ZNF488: variants seen among roughly 807,000 people sequenced by gnomAD.
The protein encoded by ZNF488 is zinc finger protein 488.
In ZNF488, 1 loss-of-function variant was observed where a neutral mutation model predicts 1.2. The observed-to-expected ratio is 0.86, with a 90% confidence interval of 0.30 to 4.07. The LOEUF (loss-of-function observed/expected upper bound fraction) is 4.07, where lower values mean the gene tolerates loss of function less well. Ranked by LOEUF, ZNF488 falls within the 30% of genes most tolerant of loss-of-function variation. ZNF488 has a pLI of 0.18. For missense variants in ZNF488, 450 were observed against 437.9 expected, an observed-to-expected ratio of 1.03 and a Z score of -0.25; for synonymous variants, 185 against 190.1, an observed-to-expected ratio of 0.97 and a Z score of 0.22.
At chr10:47,376,737 G>A (rs1555214465) in intron 1 of ZNF488, among the ~76,000 whole-genome samples, 1 of 152,188 alleles carries the variant, frequency 6.6e-6, no homozygotes, top group Admixed American at 6.5e-5. Flanking sequence ...AAGCCTGAGG[G>A]TCCTCACTGG....
intron 1 of ZNF488, among the ~76,000 whole-genome samples, chr10:47,373,134 TA>T (rs1393593500): frequency 5.3e-5 from 8 of 152,114 alleles, no homozygotes; most frequent in African/African-American, 1.9e-4. Flanking sequence ...GTCTCAAAAA[TA>T]AAGGCTCTAG....
At chr10:47,381,508 G>A (rs1159431641) in intron 1 of ZNF488, among the ~76,000 whole-genome samples, 2 of 152,296 alleles carry the variant, frequency 1.3e-5, no homozygotes, top group Non-Finnish European at 2.9e-5. Flanking sequence ...AACACTGAAG[G>A]TGATCCAGGC....
At chr10:47,382,235 T>A (rs1281093558) in intron 1 of ZNF488, among the ~76,000 whole-genome samples, 3 of 152,240 alleles carry the variant, frequency 2.0e-5, no homozygotes, top group African/African-American at 7.2e-5. Context: ...AACTAGAGAA[T>A]AAAGGTGGAG....
At chr10:47,377,472 T>C (rs1308110383) in intron 1 of ZNF488, among the ~76,000 whole-genome samples, 2 of 152,132 alleles carry the variant, frequency 1.3e-5, no homozygotes, top group African/African-American at 4.8e-5. Flanking sequence ...CTGATTGCTA[T>C]GGATGTGACA....
Position 47,368,666 on chromosome 10 carries a change from C to G in ZNF488, c.164G>C (p.Arg55Pro), listed in dbSNP as rs374041008. ...CKPVLLEKTN[R>P]LGPEAAVGRA... ...GCCCACAGCAGCCTCAGGGCCCAGG[C>G]GGTTCGTCTTCTCGAGCAGCACTGG... The change falls in exon 2 of 2, where the codon CGC becomes CCC. Residue 55 changes from arginine to proline, a missense_variant. Arg to Pro is a moderately radical substitution (Grantham distance 103). Transcript: ENST00000585316. 2.5e-6 allele frequency: 4 copies of G among 1,612,000 alleles called. No individual in the cohort carries two copies. The highest frequency in any genetic ancestry group is 3.4e-6 in the Non-Finnish European group (4 of 1,179,998).
intron 1 of ZNF488, 96 bp downstream of exon 1, chr10:47,384,124 C>T (rs1304458519): frequency 6.6e-6 from 1 of 152,554 alleles, no homozygotes; most frequent in African/African-American, 2.4e-5. Flanking sequence ...ACTCAACAAC[C>T]CTGTCCTGGG....
At chr10:47,380,200 C>G (rs1837873211) in intron 1 of ZNF488, among the ~76,000 whole-genome samples, 1 of 152,284 alleles carries the variant, frequency 6.6e-6, no homozygotes, top group South Asian at 2.1e-4. Flanking sequence ...TTGTGAGTGT[C>G]CTGGGAAGGG....
At chr10:47,369,646 G>T (rs534969070) in intron 1 of ZNF488, among the ~76,000 whole-genome samples, 4 of 152,270 alleles carry the variant, frequency 2.6e-5, no homozygotes, top group Middle Eastern at 3.4e-3. Flanking sequence ...CATGCTTCTT[G>T]TGAGAGTCAA....
chr10:47,375,301 T>C (rs769033626), intron 1 of ZNF488, among the ~76,000 whole-genome samples: 7 of 152,236 alleles, frequency 4.6e-5, no homozygotes, highest in Non-Finnish European at 8.8e-5. Context: ...GTCATTCTAC[T>C]ACACATTCCC....
rs1555212877 is a variant in ZNF488 at position 47,367,000 on chromosome 10, T to C, written c.*807A>G. 3 of 167,084 alleles carry C rather than the reference T, an allele frequency of 1.8e-5. No homozygotes were observed. The allele number at this position is 167,084 out of a possible 1,614,324, so 10.4% of individuals were successfully genotyped here. Reference sequence around the variant, plus strand: ...CTTTTCCACTCCTTAATATTGGGCCTGGTCCTGCCACTTGTATGGGCTGAG... The same window carrying C: ...CTTTTCCACTCCTTAATATTGGGCCCGGTCCTGCCACTTGTATGGGCTGAG... On this transcript the variant is annotated 3_prime_UTR_variant, in exon 2 of 2. Coordinates refer to ENST00000585316, the MANE Select transcript of ZNF488 (RefSeq NM_153034.4).
intron 1 of ZNF488, among the ~76,000 whole-genome samples, chr10:47,381,631 C>T (rs111762618): frequency 0.021 from 3,169 of 151,402 alleles, 15 homozygotes; most frequent in African/African-American, 0.073. Flanking sequence ...CTGCTGCATT[C>T]GAGGAAAGCC....
At chr10:47,369,712 G>A (rs536102500) in intron 1 of ZNF488, among the ~76,000 whole-genome samples, 3 of 152,154 alleles carry the variant, frequency 2.0e-5, no homozygotes, top group East Asian at 1.9e-4. Context: ...CATTCCCATC[G>A]TACCTGTGAA....
At chr10:47,373,809 G>A (rs1837568988) in intron 1 of ZNF488, among the ~76,000 whole-genome samples, 1 of 152,202 alleles carries the variant, frequency 6.6e-6, no homozygotes, top group African/African-American at 2.4e-5. Context: ...GATACAAAAT[G>A]TGCCACTTTC....
intron 1 of ZNF488, among the ~76,000 whole-genome samples, chr10:47,376,733 G>A (rs1246901804): frequency 6.6e-6 from 1 of 152,240 alleles, no homozygotes; most frequent in Non-Finnish European, 1.5e-5. Flanking sequence ...GCTCAAGCCT[G>A]AGGGTCCTCA....
intron 1 of ZNF488, among the ~76,000 whole-genome samples, chr10:47,378,129 C>T (rs1555214657): frequency 6.6e-6 from 1 of 152,244 alleles, no homozygotes; most frequent in Non-Finnish European, 1.5e-5. Context: ...AGTGCTCACT[C>T]TTGGTTCTCC....
intron 1 of ZNF488, among the ~76,000 whole-genome samples, chr10:47,373,044 G>A (rs1837542781): frequency 6.6e-6 from 1 of 152,168 alleles, no homozygotes; most frequent in African/African-American, 2.4e-5. Context: ...CTGCCTTGGC[G>A]TGTCATGGGG....
At chr10:47,372,540 A>G (rs1283992569) in intron 1 of ZNF488, among the ~76,000 whole-genome samples, 1 of 151,864 alleles carries the variant, frequency 6.6e-6, no homozygotes, top group Non-Finnish European at 1.5e-5. Context: ...AGTGTGAAGT[A>G]TAGGTCAAGA....
In ZNF488 at chr10:47,367,816, A is replaced by T. The variant is rs574587615; in HGVS notation, c.1014T>A (p.Ser338=). 3.7e-6 allele frequency: 6 copies of T among 1,609,768 alleles called. No individual in the cohort carries two copies. The African/African-American group carries it at 8.0e-5, about 22-fold the overall frequency. The change falls in exon 2 of 2, where the codon TCT becomes TCA. Residue 338 remains serine (S), a synonymous_variant. Transcript: ENST00000585316. Reference sequence around the variant, plus strand: ...ATTCTGCGGTCACCTGCTAGCTGTGAGAAGTCATGTGCCGGGAGAGGTGGT... The same window carrying T: ...ATTCTGCGGTCACCTGCTAGCTGTGTGAAGTCATGTGCCGGGAGAGGTGGT... ...ERHHLSRHMT[S]HS is the part of the protein sequence containing the mutation.
rs77040368 is a variant in ZNF488, at chr10:47,377,441, G to A, written c.-109+6779C>T. ...ACAAAGTTGGCCAGAGTCCATCGCT[G>A]TGGTTTGCATCCAAAGAATCCTGAT... On this transcript the variant is annotated intron_variant, in intron 1 of 1. Transcript: ENST00000585316. Among the ~76,000 whole-genome samples, 1,043 of 152,152 alleles carry A rather than the reference G, an allele frequency of 6.9e-3. 18 individuals carry two copies. The highest frequency in any genetic ancestry group is 0.023 in the African/African-American group (973 of 41,502).
Sources: allele counts gnomAD v4.1 joint callset (sites outside exome capture counted in the v4.1 genomes callset), GRCh38; gene constraint gnomAD v4.1.1; transcripts MANE v1.5; gene names NCBI Gene and HGNC (gene_info 2026-07-23, HGNC 2026-07-21).